The following GPBP1 variants were observed in gnomAD, a reference collection of about 807,000 sequenced individuals.
GPBP1 encodes vasculin.
A neutral mutation model predicts 56.5 loss-of-function variants in GPBP1; 13 were observed. The ratio of observed to expected loss-of-function variants is 0.23; its 90% CI spans 0.15 to 0.37. GPBP1 has a LOEUF of 0.37. Among genes scored for constraint, GPBP1 ranks in the 10% least tolerant of loss-of-function variants. The pLI is 1.00. For missense variants in GPBP1, 477 were observed against 572.3 expected, an observed-to-expected ratio of 0.83 and a Z score of 1.70; for synonymous variants, 204 against 188.9, an observed-to-expected ratio of 1.08 and a Z score of -0.66.
chr5:57,201,967 C>T (rs1487105638), intron 2 of GPBP1, among the ~76,000 whole-genome samples: 2 of 152,004 alleles, frequency 1.3e-5, no homozygotes, highest in Admixed American at 6.6e-5. Flanking sequence ...TTTCATAATT[C>T]TGCGTTTTTT....
At chr5:57,201,684 T>TA (rs1428716161) in intron 2 of GPBP1, among the ~76,000 whole-genome samples, 1 of 152,218 alleles carries the variant, frequency 6.6e-6, no homozygotes, top group Admixed American at 6.5e-5. Flanking sequence ...CATTCTTTTT[T>TA]ATATTAAAAC....
chr5:57,227,212 C>G (rs1388075658), intron 3 of GPBP1, among the ~76,000 whole-genome samples: 1 of 152,090 alleles, frequency 6.6e-6, no homozygotes. Flanking sequence ...ACCACCATAC[C>G]CAGCTAATTT....
chr5:57,205,571 A>AT (rs1302890872), intron 2 of GPBP1, among the ~76,000 whole-genome samples: 1 of 139,884 alleles, frequency 7.1e-6, no homozygotes, highest in African/African-American at 2.7e-5. Flanking sequence ...CTTTGCTAAC[A>AT]TTTATTTCCT....
At chr5:57,242,239 A>G (rs7733225) in intron 6 of GPBP1, among the ~76,000 whole-genome samples, 96,806 of 152,042 alleles carry the variant, frequency 0.64, 31,498 homozygotes, top group East Asian at 0.98. Flanking sequence ...TTGCAAAAGG[A>G]CACCTTTAAT....
rs973028152 is a variant in GPBP1, at chr5:57,223,753, A to G, written c.64-7093A>G. 7.3e-5 allele frequency among the ~76,000 whole-genome samples: 11 copies of G among 150,296 alleles called. No homozygotes were observed. In the South Asian group the frequency reaches 1.5e-3, roughly 20 times the overall value. On this transcript the variant is annotated intron_variant, in intron 3 of 11. Transcript: ENST00000506184. ...AATGAGAAATTGTGAGAATGTAGAC[A>G]TTTTAGTTATATATATATTTTAAAA...
intron 2 of GPBP1, among the ~76,000 whole-genome samples, chr5:57,184,727 C>T (rs920368669): frequency 1.3e-5 from 2 of 152,146 alleles, no homozygotes; most frequent in African/African-American, 4.8e-5. Context: ...ACTGCAGAAT[C>T]AGAATATAGA....
chr5:57,216,285 G>T (rs771156838), intron 3 of GPBP1, among the ~76,000 whole-genome samples: 1 of 152,208 alleles, frequency 6.6e-6, no homozygotes, highest in African/African-American at 2.4e-5. Context: ...TTTAGAAGAT[G>T]AGAGAGGGGA....
At chr5:57,212,661 TTTC>T (rs1203667036) in intron 2 of GPBP1, among the ~76,000 whole-genome samples, 1 of 150,874 alleles carries the variant, frequency 6.6e-6, no homozygotes, top group East Asian at 1.9e-4. Flanking sequence ...TTCTTTTCTT[TTTC>T]TTTTTTTCTT....
chr5:57,248,925 A>C (rs1399999617), intron 8 of GPBP1: 1 of 152,496 alleles, frequency 6.6e-6, no homozygotes, highest in East Asian at 1.9e-4. Flanking sequence ...CTGTCAAAAC[A>C]CCAAAGAACC....
rs1579973053 is a variant in GPBP1 at position 57,183,793 on chromosome 5, A to T, written c.-58+7393A>T. Among the ~76,000 whole-genome samples the T allele has an allele frequency of 4.1e-5, 5 of 123,394 alleles. No individual in the cohort carries two copies. The South Asian group carries it at 1.2e-3, about 31-fold the overall frequency. 81.0% of individuals were successfully genotyped at this position (123,394 alleles called of 152,430 possible). On this transcript the variant is annotated intron_variant, in intron 2 of 11. Coordinates refer to ENST00000506184, the MANE Select transcript of GPBP1 (RefSeq NM_022913.4). ...TTTTTTTTTTTTTTTTGTTTTGGAG[A>T]CAGGGTCTCACTCTATCACCCAGGC... is the stretch of plus-strand genomic sequence containing the variant.
intron 2 of GPBP1, among the ~76,000 whole-genome samples, chr5:57,185,768 G>A (rs968021415): frequency 6.6e-6 from 1 of 152,070 alleles, no homozygotes; most frequent in African/African-American, 2.4e-5. Flanking sequence ...GGGAGGCCGA[G>A]GTGGGCAGAT....
intron 3 of GPBP1, among the ~76,000 whole-genome samples, chr5:57,220,141 A>G (rs1755892195): frequency 6.6e-6 from 1 of 152,104 alleles, no homozygotes; most frequent in Non-Finnish European, 1.5e-5. Context: ...CTTGAAGTTA[A>G]GATTGGTAAT....
intron 10 of GPBP1, among the ~76,000 whole-genome samples, chr5:57,258,279 A>G (rs1430081500): frequency 6.6e-6 from 1 of 152,220 alleles, no homozygotes; most frequent in Non-Finnish European, 1.5e-5. Context: ...TGACAGGGAT[A>G]TATTCTGAGA....
intron 5 of GPBP1, among the ~76,000 whole-genome samples, chr5:57,233,568 T>G (rs1756546659): frequency 6.6e-6 from 1 of 152,344 alleles, no homozygotes; most frequent in East Asian, 1.9e-4. Flanking sequence ...ATGTGTATTG[T>G]ATACTGTATT....
rs1169928240 is a variant in GPBP1, at chr5:57,263,469, T to TA, written c.*717_*718insA. ...TGTTGTCAGACCAGGGTTTTCAGAG[T>TA]TGATGGAAAAGAGTCTTGTGAGAAA... On this transcript the variant is annotated 3_prime_UTR_variant, in exon 12 of 12. Transcript: ENST00000506184. 1 of 152,130 alleles carries TA rather than the reference T, an allele frequency of 6.6e-6. No homozygotes were observed. Among genetic ancestry groups the TA allele is most frequent in the African/African-American group, 2.4e-5 (1 of 41,408 alleles). The allele number at this position is 152,130 out of a possible 1,614,324, so 9.4% of individuals were successfully genotyped here.
At chr5:57,242,885 G>A (rs1188115452) in intron 6 of GPBP1, among the ~76,000 whole-genome samples, 1 of 151,626 alleles carries the variant, frequency 6.6e-6, no homozygotes, top group Non-Finnish European at 1.5e-5. Context: ...GAGTAGCCGG[G>A]ATTAGAGAGG....
chr5:57,219,788 C>G (rs1048949986), intron 3 of GPBP1, among the ~76,000 whole-genome samples: 1 of 152,112 alleles, frequency 6.6e-6, no homozygotes, highest in African/African-American at 2.4e-5. Context: ...TGCGGTGGCT[C>G]ATGCCTGTAA....
intron 10 of GPBP1, among the ~76,000 whole-genome samples, chr5:57,252,518 G>C (rs1741443869): frequency 1.3e-5 from 2 of 151,988 alleles, no homozygotes; most frequent in South Asian, 2.1e-4. Context: ...AGCCTACCAA[G>C]TAGCTGGGAC....
At chr5:57,220,915 CTT>C (rs77026127) in intron 3 of GPBP1, among the ~76,000 whole-genome samples, 86,594 of 151,730 alleles carry the variant, frequency 0.57, 24,901 homozygotes, top group East Asian at 0.84. Context: ...TAATTAACCT[CTT>C]GTTTTCTGCC....
Sources: allele counts gnomAD v4.1 joint callset (sites outside exome capture counted in the v4.1 genomes callset), GRCh38; gene constraint gnomAD v4.1.1; transcripts MANE v1.5; gene names NCBI Gene and HGNC (gene_info 2026-07-23, HGNC 2026-07-21).